STXBP5: variants seen among roughly 807,000 people sequenced by gnomAD.
The protein encoded by STXBP5 is syntaxin binding protein 5, also known as syntaxin-binding protein 5.
A neutral mutation model predicts 152.4 loss-of-function variants in STXBP5; 50 were observed. That is an observed-to-expected ratio of 0.33 (90% CI 0.26 to 0.42). STXBP5 has a LOEUF of 0.42. Among genes scored for constraint, STXBP5 ranks in the 10% least tolerant of loss-of-function variants. The probability of loss-of-function intolerance (pLI) is 1.00; values close to 1 mark genes in which losing one functional copy is unlikely to be tolerated. For synonymous variants in STXBP5, 492 were observed against 494.7 expected, an observed-to-expected ratio of 0.99 and a Z score of 0.07; for missense variants, 1,167 against 1,388.6, an observed-to-expected ratio of 0.84 and a Z score of 2.54.
chr6:147,232,620 T>A (rs1331666822), intron 2 of STXBP5, among the ~76,000 whole-genome samples: 1 of 151,776 alleles, frequency 6.6e-6, no homozygotes, highest in Non-Finnish European at 1.5e-5. Context: ...ATCATTTCTC[T>A]GAGCCTTAGA....
chr6:147,270,983 C>A (rs1003173288), intron 7 of STXBP5, among the ~76,000 whole-genome samples: 1 of 151,908 alleles, frequency 6.6e-6, no homozygotes, highest in Non-Finnish European at 1.5e-5. Flanking sequence ...ACAACAGCAG[C>A]GACTCAGAGA....
rs529179986 is a variant in STXBP5 at position 147,316,503 on chromosome 6, T to G, written c.1802+96T>G. On this transcript the variant is annotated intron_variant, in intron 16 of 27. Transcript: ENST00000321680. ...GCTATGGTAACATTTTCTTTTGATA[T>G]AGCAAAATGGCATAAGAATGGTTCT... 8.9e-6 allele frequency: 10 copies of G among 1,126,458 alleles called. No individual in the cohort carries two copies. In the East Asian group the frequency reaches 3.0e-4, roughly 34 times the overall value. The allele number at this position is 1,126,458 out of a possible 1,614,324, so 69.8% of individuals were successfully genotyped here. A position where few individuals can be genotyped will look rare whatever the true frequency, so the allele number is the denominator to read the frequency against.
intron 2 of STXBP5, among the ~76,000 whole-genome samples, chr6:147,219,414 T>G (rs755130885): frequency 2.6e-4 from 40 of 152,278 alleles, no homozygotes; most frequent in Non-Finnish European, 4.7e-4. Context: ...TTCATATTAG[T>G]GTAATGCTGG....
At chr6:147,256,012 A>G (rs889019008) in intron 4 of STXBP5, among the ~76,000 whole-genome samples, 14 of 152,186 alleles carry the variant, frequency 9.2e-5, no homozygotes, top group African/African-American at 3.1e-4. Flanking sequence ...TATTTTACAC[A>G]TAAGAGGATT....
intron 2 of STXBP5, among the ~76,000 whole-genome samples, chr6:147,216,276 C>T (rs545174974): frequency 1.3e-5 from 2 of 152,222 alleles, no homozygotes; most frequent in East Asian, 3.9e-4. Flanking sequence ...CCTGTAATCC[C>T]AGCTACTTGG....
chr6:147,300,303 A>C (rs1781743981), intron 9 of STXBP5, among the ~76,000 whole-genome samples: 1 of 152,118 alleles, frequency 6.6e-6, no homozygotes, highest in African/African-American at 2.4e-5. Context: ...AAACTTTCTA[A>C]AATTTATATG....
intron 4 of STXBP5, 137 bp downstream of exon 4, chr6:147,239,407 A>G (rs1778431149): frequency 1.5e-6 from 1 of 651,986 alleles, no homozygotes; most frequent in South Asian, 2.9e-5. Flanking sequence ...AGGATATACA[A>G]TAAAAGCAAG....
At chr6:147,253,070 T>A (rs751980464) in intron 4 of STXBP5, among the ~76,000 whole-genome samples, 1 of 152,180 alleles carries the variant, frequency 6.6e-6, no homozygotes, top group Non-Finnish European at 1.5e-5. Flanking sequence ...AATAAAATAC[T>A]GGCAAACCGA....
chr6:147,377,621 C>G (rs1785871512), intron 26 of STXBP5, among the ~76,000 whole-genome samples: 1 of 152,152 alleles, frequency 6.6e-6, no homozygotes, highest in African/African-American at 2.4e-5. Context: ...TACAGACAGC[C>G]TTCTGGCTGC....
chr6:147,251,376 T>C (rs1779088319), intron 4 of STXBP5, among the ~76,000 whole-genome samples: 2 of 152,304 alleles, frequency 1.3e-5, no homozygotes, highest in South Asian at 4.1e-4. Flanking sequence ...TTTGGGCAGA[T>C]ACCGAGCTAG....
At chr6:147,377,462 AGCTGT>A (rs1479091810) in intron 26 of STXBP5, among the ~76,000 whole-genome samples, 1 of 152,214 alleles carries the variant, frequency 6.6e-6, no homozygotes, top group Non-Finnish European at 1.5e-5. Flanking sequence ...AAATTAACAG[AGCTGT>A]CTTAGTTCAG....
chr6:147,359,730 G>A (rs142131020), intron 23 of STXBP5, among the ~76,000 whole-genome samples: 2,309 of 150,942 alleles, frequency 0.015, 27 homozygotes, highest in Admixed American at 0.027. Context: ...TTGTTCTTGC[G>A]ATAGTTTACA....
At chr6:147,366,738 A>G (rs541909813) in intron 25 of STXBP5, among the ~76,000 whole-genome samples, 19 of 152,336 alleles carry the variant, frequency 1.2e-4, no homozygotes, top group African/African-American at 4.3e-4. Context: ...TTTCCTTGCC[A>G]GGTAATATTT....
intron 4 of STXBP5, among the ~76,000 whole-genome samples, chr6:147,246,033 C>T (rs1421745494): frequency 1.3e-5 from 2 of 152,154 alleles, no homozygotes; most frequent in Non-Finnish European, 2.9e-5. Context: ...CACATATCAC[C>T]TTTGTTCCTC....
At chr6:147,236,659 A>G (rs556781083) in intron 3 of STXBP5, among the ~76,000 whole-genome samples, 15 of 152,196 alleles carry the variant, frequency 9.9e-5, no homozygotes, top group Admixed American at 2.0e-4. Context: ...ACATCAAGAT[A>G]CAGGTCAGTT....
At chr6:147,371,684 A>G (rs766487858) in intron 25 of STXBP5, among the ~76,000 whole-genome samples, 9 of 152,184 alleles carry the variant, frequency 5.9e-5, no homozygotes, top group Non-Finnish European at 1.3e-4. Flanking sequence ...TACAGAGAAT[A>G]TAATGAGTTT....
intron 2 of STXBP5, among the ~76,000 whole-genome samples, chr6:147,215,666 G>A (rs1354708667): frequency 6.6e-6 from 1 of 152,182 alleles, no homozygotes; most frequent in Non-Finnish European, 1.5e-5. Context: ...ATAGGCGTGA[G>A]CCACTGCGCC....
chr6:147,377,166 A>C (rs887391037), intron 26 of STXBP5, among the ~76,000 whole-genome samples: 19 of 152,302 alleles, frequency 1.2e-4, no homozygotes, highest in Non-Finnish European at 2.1e-4. Flanking sequence ...ATCACAGTGC[A>C]GTTATGCTTG....
Position 147,300,503 on chromosome 6 carries a change from T to C in STXBP5, c.917+9331T>C, listed in dbSNP as rs541714067. 3.3e-5 allele frequency among the ~76,000 whole-genome samples: 5 copies of C among 152,116 alleles called. No individual in the cohort carries two copies. The East Asian group carries it at 9.7e-4, about 29-fold the overall frequency. On this transcript the variant is annotated intron_variant, in intron 9 of 27. Transcript: ENST00000321680. ...GTGGAATAGAGAGCCCAGAAATAAA[T>C]CTGTGTATCTATAGCCAGTTGATTT...
Sources: gnomAD v4.1 joint callset for allele counts (sites outside exome capture counted in the v4.1 genomes callset) on GRCh38, gnomAD v4.1.1 for gene constraint, MANE v1.5 for transcripts, NCBI Gene and HGNC (gene_info 2026-07-23, HGNC 2026-07-21) for gene names.